ZNF618: variants seen among roughly 807,000 people sequenced by gnomAD.
The protein encoded by ZNF618 is neural precursor cell expressed, developmentally down-regulated 10.
In ZNF618, 34 loss-of-function variants were observed where a neutral mutation model predicts 103.0. The observed-to-expected ratio is 0.33, with a 90% confidence interval of 0.25 to 0.44. The LOEUF is 0.44. Among genes scored for constraint, ZNF618 ranks in the 20% least tolerant of loss-of-function variants. ZNF618 has a pLI of 1.00. For synonymous variants in ZNF618, 551 were observed against 542.2 expected, an observed-to-expected ratio of 1.02 and a Z score of -0.23; for missense variants, 1,059 against 1,295.4, an observed-to-expected ratio of 0.82 and a Z score of 2.80.
chr9:113,978,254 C>T (rs1050603353), intron 2 of ZNF618, among the ~76,000 whole-genome samples: 22 of 152,332 alleles, frequency 1.4e-4, no homozygotes, highest in African/African-American at 5.3e-4. Flanking sequence ...CTGTCATTTG[C>T]GGACACTGTG....
At chr9:114,004,712 C>T (rs1200036491) in intron 6 of ZNF618, among the ~76,000 whole-genome samples, 2 of 152,206 alleles carry the variant, frequency 1.3e-5, no homozygotes, top group African/African-American at 4.8e-5. Flanking sequence ...AACGCCTGGC[C>T]TCCACTTACA....
intron 13 of ZNF618, among the ~76,000 whole-genome samples, chr9:114,039,269 G>A (rs1010411217): frequency 6.6e-6 from 1 of 152,052 alleles, no homozygotes; most frequent in Non-Finnish European, 1.5e-5. Flanking sequence ...CAGACAGCAA[G>A]CAAGCTGGCA....
intron 1 of ZNF618, among the ~76,000 whole-genome samples, chr9:113,957,950 G>A (rs1836469077): frequency 6.6e-6 from 1 of 151,996 alleles, no homozygotes; most frequent in Non-Finnish European, 1.5e-5. Context: ...ACTCGCTCCA[G>A]GCGGTTTTCC....
At chr9:114,008,279 A>G in intron 7 of ZNF618, 65 bp from the exon 8 acceptor site, 1 of 1,602,692 alleles carries the variant, frequency 6.2e-7, no homozygotes, top group Non-Finnish European at 8.5e-7. Flanking sequence ...AGCTCTGGGC[A>G]GGGACTAACA....
chr9:113,940,976 A>AT (rs574323282), intron 1 of ZNF618, among the ~76,000 whole-genome samples: 2 of 151,672 alleles, frequency 1.3e-5, no homozygotes, highest in Admixed American at 6.6e-5. Context: ...GTTTTCCATG[A>AT]TTTTTTTTCC....
At position 113,988,522 on chromosome 9, in the gene ZNF618, C is replaced by T. The variant is rs1312712269; in HGVS notation, c.279C>T (p.Ser93=). 1.2e-6 allele frequency: 2 copies of T among 1,612,542 alleles called. No individual in the cohort carries two copies. The highest frequency in any genetic ancestry group is 1.7e-6 in the Non-Finnish European group (2 of 1,179,736). ...EKKAVSKDGT[S]DVPAEICVVI... ...AGGCGGTCAGCAAGGATGGGACCAG[C>T]GACGTGCCTGCCGAGATCTGCGTGG... is the stretch of plus-strand genomic sequence containing the variant. Residue 93 remains serine, a synonymous_variant, in exon 3 of 15, where the codon AGC becomes AGT. Transcript: ENST00000374126.
intron 4 of ZNF618, among the ~76,000 whole-genome samples, chr9:113,999,272 C>A (rs115901360): frequency 7.0e-6 from 1 of 142,210 alleles, no homozygotes; most frequent in Non-Finnish European, 1.5e-5. Flanking sequence ...GAGGGGCAGG[C>A]GGGGCCCTGG....
At chr9:113,881,671 G>T (rs756663289) in intron 1 of ZNF618, among the ~76,000 whole-genome samples, 3 of 152,172 alleles carry the variant, frequency 2.0e-5, no homozygotes, top group South Asian at 2.1e-4. Flanking sequence ...TGGACCAGTT[G>T]TCGTCATCAC....
At chr9:113,970,076 T>A (rs548018708) in intron 2 of ZNF618, among the ~76,000 whole-genome samples, 1 of 152,268 alleles carries the variant, frequency 6.6e-6, no homozygotes, top group South Asian at 2.1e-4. Context: ...GCCCAGTAAG[T>A]TAGAGGACAG....
chr9:113,908,924 G>A (rs1305745644), intron 1 of ZNF618, among the ~76,000 whole-genome samples: 1 of 151,620 alleles, frequency 6.6e-6, no homozygotes, highest in East Asian at 1.9e-4. Context: ...TTCTGGGGAC[G>A]GTGATTTCAT....
intron 1 of ZNF618, among the ~76,000 whole-genome samples, chr9:113,934,049 G>A (rs117188417): frequency 6.6e-6 from 1 of 151,986 alleles, no homozygotes; most frequent in African/African-American, 2.4e-5. Context: ...GAGAGAAAGG[G>A]GACTGAAAGA....
At chr9:114,033,372 C>T (rs1036456460) in intron 12 of ZNF618, among the ~76,000 whole-genome samples, 3 of 145,426 alleles carry the variant, frequency 2.1e-5, no homozygotes, top group Non-Finnish European at 3.0e-5. Context: ...GGTGACAGAG[C>T]GAGACTCTGT....
intron 1 of ZNF618, among the ~76,000 whole-genome samples, chr9:113,895,835 G>T (rs1046744490): frequency 6.6e-6 from 1 of 152,010 alleles, no homozygotes; most frequent in Non-Finnish European, 1.5e-5. Context: ...ACTCTGTCTT[G>T]TCAGGTTTTT....
intron 1 of ZNF618, among the ~76,000 whole-genome samples, chr9:113,897,724 T>C (rs1830154224): frequency 6.6e-6 from 1 of 152,214 alleles, no homozygotes. Flanking sequence ...TTTGCATCAC[T>C]TACTCGGTTT....
chr9:113,991,931 G>A lies in ZNF618; in HGVS notation c.337+3351G>A, dbSNP rs140250792. 3.4e-3 allele frequency among the ~76,000 whole-genome samples: 517 copies of A among 152,326 alleles called. 8 individuals carry two copies. The highest frequency in any genetic ancestry group is 6.8e-3 in the Middle Eastern group (2 of 294). On this transcript the variant is annotated intron_variant, in intron 3 of 14. Transcript: ENST00000374126. The stretch of plus-strand genomic sequence containing the variant: ...GGGCCAGAGTGCTCCCTGCTGTCAC[G>A]GCAGCTCATCTTGCATGCTGGAAGT...
intron 1 of ZNF618, among the ~76,000 whole-genome samples, chr9:113,943,615 T>C (rs1316631694): frequency 1.3e-5 from 2 of 151,356 alleles, no homozygotes; most frequent in Non-Finnish European, 2.9e-5. Flanking sequence ...TAAGAAAAGC[T>C]GTAAATCTGA....
At chr9:113,956,998 G>T (rs1836368841) in intron 1 of ZNF618, among the ~76,000 whole-genome samples, 1 of 152,182 alleles carries the variant, frequency 6.6e-6, no homozygotes, top group Non-Finnish European at 1.5e-5. Context: ...GACAGATGAA[G>T]AAACTGAGTC....
chr9:114,028,724 C>A lies in ZNF618; in HGVS notation c.845-9C>A. On this transcript the variant is annotated splice_polypyrimidine_tract_variant and intron_variant, in intron 10 of 14. Coordinates refer to ENST00000374126, the MANE Select transcript of ZNF618 (RefSeq NM_001318042.2). ...GGGCCCTCGGGGACTGAGAGCGTGA[C>A]CCTCTCAGGTACTGCCCCCGGGTGG... 17 of 1,548,198 alleles carry A rather than the reference C, an allele frequency of 1.1e-5. No individual in the cohort carries two copies. Among genetic ancestry groups the A allele is most frequent in the East Asian group, 2.4e-5 (1 of 40,878 alleles).
chr9:113,992,252 G>T (rs760651897), intron 3 of ZNF618, among the ~76,000 whole-genome samples: 1 of 152,086 alleles, frequency 6.6e-6, no homozygotes, highest in African/African-American at 2.4e-5. Flanking sequence ...TGTCAATTTG[G>T]TACCCATGAC....
Sources: allele counts gnomAD v4.1 joint callset (sites outside exome capture counted in the v4.1 genomes callset), GRCh38; gene constraint gnomAD v4.1.1; transcripts MANE v1.5; gene names NCBI Gene and HGNC (gene_info 2026-07-23, HGNC 2026-07-21).